The following ZNF221 variants were observed in gnomAD, a reference collection of about 807,000 sequenced individuals.
ZNF221 encodes zinc finger protein 221.
In ZNF221, 10 loss-of-function variants were observed where a neutral mutation model predicts 12.6. The observed-to-expected ratio is 0.79, with a 90% confidence interval of 0.49 to 1.34. The LOEUF is 1.34. Ranked by LOEUF, ZNF221 falls within the 40% of genes most tolerant of loss-of-function variation. The probability of loss-of-function intolerance (pLI) is 0.00; values close to 1 mark genes in which losing one functional copy is unlikely to be tolerated. For synonymous variants in ZNF221, 232 were observed against 244.0 expected (o/e 0.95, Z 0.46); for missense variants, 661 against 721.4 (o/e 0.92, Z 0.96).
At position 43,966,043 on chromosome 19, in the gene ZNF221, G is replaced by A; in HGVS notation, c.541G>A (p.Asp181Asn). The change falls in exon 5 of 5, where the codon GAT becomes AAT. Residue 181 changes from aspartate to asparagine, a missense_variant. By Grantham distance (23) the Asp-to-Asn change is conservative (BLOSUM62 1). Transcript: ENST00000587682. The part of the protein sequence containing the change: ...RCNECKQSFS[D>N]VSVFDLHQQS... ...TAATGAATGTAAACAGTCCTTCAGT[G>A]ATGTTTCTGTCTTTGATCTTCATCA... is the stretch of plus-strand genomic sequence containing the variant. 1 of 1,614,208 alleles carries A rather than the reference G, an allele frequency of 6.2e-7. No homozygotes were observed. The highest frequency in any genetic ancestry group is 8.5e-7 in the Non-Finnish European group (1 of 1,180,034).
At chr19:43,962,704 G>A (rs747754239) in intron 1 of ZNF221, 21 bp from the exon 2 acceptor site, 1 of 1,612,006 alleles carries the variant, frequency 6.2e-7, no homozygotes, top group East Asian at 2.2e-5. Context: ...CTGTTTTTCT[G>A]CCTTTCCTGG....
chr19:43,965,721 A>C lies in ZNF221; in HGVS notation c.302-83A>C, dbSNP rs565961166. 27 of 1,252,058 alleles carry C rather than the reference A, an allele frequency of 2.2e-5. No individual in the cohort carries two copies. The East Asian group carries it at 5.9e-4, about 27-fold the overall frequency. 77.6% of individuals were successfully genotyped at this position (1,252,058 alleles called of 1,614,324 possible). The stretch of plus-strand genomic sequence containing the variant: ...ATGTTTCCTGTTTTCATTAAAGTTT[A>C]ATGCCATGTCCTAAGTGTGAAATCT... On this transcript the variant is annotated intron_variant, in intron 4 of 4. Transcript: ENST00000587682.
In ZNF221 at chr19:43,964,826, T is replaced by G. The variant is rs1974909426; in HGVS notation, c.82-124T>G. On this transcript the variant is annotated intron_variant, in intron 2 of 4. Transcript: ENST00000587682. Reference sequence around the variant, plus strand: ...GCAGAATGAGTGGGAAATCTGTATGTTGACCTACATCCCTCAAGATCTAGG... The same window carrying G: ...GCAGAATGAGTGGGAAATCTGTATGGTGACCTACATCCCTCAAGATCTAGG... 3.1e-6 allele frequency: 4 copies of G among 1,294,636 alleles called. No homozygotes were observed. In the Admixed American group the frequency reaches 8.1e-5, roughly 26 times the overall value. 80.2% of individuals were successfully genotyped at this position (1,294,636 alleles called of 1,614,324 possible). A position where few individuals can be genotyped will look rare whatever the true frequency, so the allele number is the denominator to read the frequency against.
chr19:43,957,984 C>T (rs530129477), intron 1 of ZNF221, among the ~76,000 whole-genome samples: 1 of 152,322 alleles, frequency 6.6e-6, no homozygotes, highest in East Asian at 1.9e-4. Flanking sequence ...GTTTACATAT[C>T]TGGAAGGTAT....
intron 2 of ZNF221, among the ~76,000 whole-genome samples, chr19:43,963,014 A>C (rs1974873048): frequency 6.6e-6 from 1 of 152,226 alleles, no homozygotes; most frequent in Non-Finnish European, 1.5e-5. Flanking sequence ...TGTAGTAGAT[A>C]AAATAGTAGG....
At chr19:43,957,242 G>A (rs1974771937) in intron 1 of ZNF221, among the ~76,000 whole-genome samples, 1 of 152,102 alleles carries the variant, frequency 6.6e-6, no homozygotes, top group South Asian at 2.1e-4. Context: ...GCGTAGTGGA[G>A]CAATCTTGGC....
At chr19:43,975,647 T>C in the ZNF221 span, among the ~76,000 whole-genome samples, 1 of 152,184 alleles carries the variant, frequency 6.6e-6, no homozygotes, top group South Asian at 2.1e-4. Flanking sequence ...CACATTTACC[T>C]ATGTAACAAA....
downstream of ZNF221, chr19:43,967,910 G>A (rs8101844): frequency 0.97 from 161,139 of 166,084 alleles, 78,356 homozygotes; most frequent in East Asian, 1. Flanking sequence ...CAGAGAAACC[G>A]TGGAAGTTTG....
In ZNF221 at chr19:43,967,130, A is replaced by G. The variant is rs1364700520; in HGVS notation, c.1628A>G (p.Tyr543Cys). 1 of 1,594,908 alleles carries G rather than the reference A, an allele frequency of 6.3e-7. No individual in the cohort carries two copies. ...AAATGTGAGCAGTGTGAGAAGGGGTACAACAGTAAATTTAATCTTGACATG... is the reference window on the plus strand; with the variant it reads ...AAATGTGAGCAGTGTGAGAAGGGGTGCAACAGTAAATTTAATCTTGACATG... Reference protein sequence around the residue: ...LYKCEQCEKGYNSKFNLDMHQ... With the variant: ...LYKCEQCEKGCNSKFNLDMHQ... The change falls in exon 5 of 5, where the codon TAC becomes TGC. Residue 543 changes from tyrosine to cysteine, a missense_variant. Physicochemically the swap from Tyr to Cys is radical, Grantham distance 194. Transcript: ENST00000587682.
rs1331302228 is a variant in ZNF221 at position 43,962,772 on chromosome 19, T to G, written c.46T>G (p.Phe16Val). ...ACTGCTTCATTCAGGACTCTGCAAA[T>G]TCCCTGAAGTAGAAGGAAAAATGAC... is the stretch of plus-strand genomic sequence containing the variant. ...LELLHSGLCK[F>V]PEVEGKMTTF... The change falls in exon 2 of 5, where the codon TTC (phenylalanine) becomes GTC (valine). Residue 16 changes from phenylalanine (F) to valine (V), a missense_variant. Coordinates refer to ENST00000587682, the MANE Select transcript of ZNF221 (RefSeq NM_001297588.2). 1.2e-6 allele frequency: 2 copies of G among 1,613,876 alleles called. No individual in the cohort carries two copies. Among genetic ancestry groups the G allele is most frequent in the Non-Finnish European group, 1.7e-6 (2 of 1,179,910 alleles).
At position 43,967,505 on chromosome 19, in the gene ZNF221, G is replaced by A. The variant is rs1340528448; in HGVS notation, c.*149G>A. On this transcript the variant is annotated 3_prime_UTR_variant, in exon 5 of 5. Transcript: ENST00000587682. ...CTTTTTTTTTTTTTTTTGAGACAGA[G>A]TCTCACTCTTTCACCCAGGCCTGAC... The A allele has an allele frequency of 9.3e-6, 6 of 647,852 alleles. No homozygotes were observed. In the African/African-American group the frequency reaches 9.4e-5, roughly 10 times the overall value. 40.1% of individuals were successfully genotyped at this position (647,852 alleles called of 1,614,324 possible). A position where few individuals can be genotyped will look rare whatever the true frequency, so the allele number is the denominator to read the frequency against.
At chr19:43,957,781 T>A (rs1350668075) in intron 1 of ZNF221, among the ~76,000 whole-genome samples, 1 of 152,246 alleles carries the variant, frequency 6.6e-6, no homozygotes, top group East Asian at 1.9e-4. Flanking sequence ...CTTCTAGGAC[T>A]GTTGTTCAGT....
chr19:43,954,856 C>A (rs1974730495), intron 1 of ZNF221, among the ~76,000 whole-genome samples: 1 of 152,124 alleles, frequency 6.6e-6, no homozygotes, highest in Non-Finnish European at 1.5e-5. Context: ...GTCATCCCAG[C>A]CTCCTTTCCC....
chr19:43,958,271 C>T lies in ZNF221; in HGVS notation c.-2-4454C>T, dbSNP rs996574991. Among the ~76,000 whole-genome samples the T allele has an allele frequency of 2.0e-5, 3 of 152,120 alleles. No homozygotes were observed. In the South Asian group the frequency reaches 6.2e-4, roughly 32 times the overall value. ...TTGAGTTTTCTTTTTACAAAAGTCA[C>T]GTGGGGTATCCATGCGAAAGGGGCC... On this transcript the variant is annotated intron_variant, in intron 1 of 4. Coordinates refer to ENST00000587682, the MANE Select transcript of ZNF221 (RefSeq NM_001297588.2).
At chr19:43,978,519 C>G in the ZNF221 span, 1 of 152,190 alleles carries the variant, frequency 6.6e-6, no homozygotes, top group Admixed American at 6.5e-5. Flanking sequence ...CATAGGTAGG[C>G]CTTCCATCTA....
intron 1 of ZNF221, among the ~76,000 whole-genome samples, chr19:43,957,301 C>T (rs1188346261): frequency 6.6e-6 from 1 of 152,152 alleles, no homozygotes; most frequent in Non-Finnish European, 1.5e-5. Context: ...CTGCCTCAGC[C>T]TTCCAAGTAG....
intron 1 of ZNF221, among the ~76,000 whole-genome samples, chr19:43,955,081 C>A (rs148634507): frequency 0.012 from 1,775 of 151,792 alleles, 44 homozygotes; most frequent in African/African-American, 0.041. Flanking sequence ...ATTGTGGGCT[C>A]TATATCTAGT....
At position 43,965,965 on chromosome 19, in the gene ZNF221, C is replaced by T. The variant is rs1974941095; in HGVS notation, c.463C>T (p.Gln155Ter). 1 of 1,614,092 alleles carries T rather than the reference C, an allele frequency of 6.2e-7. No individual in the cohort carries two copies. The highest frequency in any genetic ancestry group is 1.7e-5 in the Admixed American group (1 of 60,008). ...QFFKEGDVPC[Q>*]IEARLSISHV... ...CTTCAAAGAAGGTGATGTCCCCTGC[C>T]AGATTGAGGCAAGACTATCTATAAG... The change falls in exon 5 of 5, where the codon CAG becomes TAG. Residue 155 changes from glutamine (Q) to a stop codon, truncating the protein, a stop_gained. Transcript: ENST00000587682. LOFTEE classifies it low-confidence loss of function (END_TRUNC).
chr19:43,960,901 C>A (rs1373556644), intron 1 of ZNF221, among the ~76,000 whole-genome samples: 2 of 152,304 alleles, frequency 1.3e-5, no homozygotes, highest in East Asian at 3.9e-4. Flanking sequence ...AACAGAGAAC[C>A]TCTACCAGGG....
Sources: gnomAD v4.1 joint callset for allele counts (sites outside exome capture counted in the v4.1 genomes callset) on GRCh38, gnomAD v4.1.1 for gene constraint, MANE v1.5 for transcripts, NCBI Gene and HGNC (gene_info 2026-07-23, HGNC 2026-07-21) for gene names.